NTM: variants seen among roughly 807,000 people sequenced by gnomAD.
NTM encodes neurotrimin.
Under a neutral mutation model 42.1 loss-of-function variants are expected in NTM, and 13 were observed. The observed-to-expected ratio is 0.31, with a 90% CI of 0.20 to 0.49. The LOEUF is 0.49. Among genes scored for constraint, NTM ranks in the 20% least tolerant of loss-of-function variants. The probability of loss-of-function intolerance (pLI) is 0.99; values close to 1 mark genes in which losing one functional copy is unlikely to be tolerated. For missense variants in NTM, 373 were observed against 452.8 expected (o/e 0.82, Z 1.60); for synonymous variants, 187 against 179.2 (o/e 1.04, Z -0.35).
In NTM at chr11:132,330,191, T is replaced by C; in HGVS notation, c.967+6T>C. ...AGCCCTGACCCCTTGGAAAGGTTTG[T>C]ATATTTTTCAGACAGCTGCTGCCTT... On this transcript the variant is annotated splice_donor_region_variant and intron_variant, in intron 8 of 8. Coordinates refer to ENST00000683400, the MANE Select transcript of NTM (RefSeq NM_001352005.2). 3 of 1,551,702 alleles carry C rather than the reference T, an allele frequency of 1.9e-6. No individual in the cohort carries two copies. The highest frequency in any genetic ancestry group is 2.6e-6 in the Non-Finnish European group (3 of 1,146,924).
intron 1 of NTM, among the ~76,000 whole-genome samples, chr11:131,513,597 A>G (rs1248647994): frequency 6.6e-6 from 1 of 152,240 alleles, no homozygotes; most frequent in East Asian, 1.9e-4. Context: ...CAGGGAAGAC[A>G]GAATGAAAAG....
chr11:131,872,855 T>C (rs940646573), intron 1 of NTM, among the ~76,000 whole-genome samples: 1 of 152,202 alleles, frequency 6.6e-6, no homozygotes, highest in Non-Finnish European at 1.5e-5. Context: ...TTTATGCATA[T>C]ACCCAGTAAT....
rs945720708 is a variant in NTM at position 131,877,478 on chromosome 11, G to A, written c.83-34086G>A. The stretch of plus-strand genomic sequence containing the variant: ...TGACAATGAATGCACTCACAGAGCC[G>A]CAGAAACCCAGCAATTCATTCTTCC... On this transcript the variant is annotated intron_variant, in intron 1 of 8. Coordinates refer to ENST00000683400, the MANE Select transcript of NTM (RefSeq NM_001352005.2). 3.3e-5 allele frequency among the ~76,000 whole-genome samples: 5 copies of A among 152,078 alleles called. No individual in the cohort carries two copies. In the South Asian group the frequency reaches 6.2e-4, roughly 19 times the overall value.
At chr11:132,103,662 A>G (rs2061907772) in intron 2 of NTM, among the ~76,000 whole-genome samples, 1 of 152,184 alleles carries the variant, frequency 6.6e-6, no homozygotes, top group African/African-American at 2.4e-5. Flanking sequence ...CTGCATGTAG[A>G]TACTTAACCC....
chr11:131,779,650 G>A (rs2087696912), intron 1 of NTM, among the ~76,000 whole-genome samples: 1 of 152,128 alleles, frequency 6.6e-6, no homozygotes, highest in African/African-American at 2.4e-5. Context: ...GAGGAAGTCA[G>A]TCAGTCTACC....
rs2048909716 is a variant in NTM at position 131,878,591 on chromosome 11, AAAAATATATATATATATAT to A, written c.83-32971_83-32953del. On this transcript the variant is annotated intron_variant, in intron 1 of 8. Transcript: ENST00000683400. ...TCTCAAAAAAAAAAAAAAAAAAAAA[AAAAATATATATATATATAT>A]ATATATATATATATATATATATATA... Among the ~76,000 whole-genome samples the A allele has an allele frequency of 3.0e-4, 9 of 29,698 alleles. 1 individual carries two copies. The highest frequency in any genetic ancestry group is 3.9e-4 in the Admixed American group (1 of 2,546). 19.5% of individuals were successfully genotyped at this position (29,698 alleles called of 152,430 possible). A position where few individuals can be genotyped will look rare whatever the true frequency, so the allele number is the denominator to read the frequency against.
intron 1 of NTM, among the ~76,000 whole-genome samples, chr11:131,584,370 G>T (rs993038528): frequency 2.0e-5 from 3 of 152,136 alleles, no homozygotes; most frequent in African/African-American, 7.2e-5. Flanking sequence ...AATTTACGAA[G>T]ATTAATTAGA....
At chr11:131,967,504 A>G (rs746833114) in intron 2 of NTM, among the ~76,000 whole-genome samples, 11 of 152,154 alleles carry the variant, frequency 7.2e-5, no homozygotes, top group Non-Finnish European at 1.3e-4. Flanking sequence ...AGGCTGGTGC[A>G]CCGAGCCACA....
At chr11:132,239,825 CAATT>C (rs1175687054) in intron 4 of NTM, among the ~76,000 whole-genome samples, 1 of 152,196 alleles carries the variant, frequency 6.6e-6, no homozygotes, top group Non-Finnish European at 1.5e-5. Context: ...AATTTTATCA[CAATT>C]AAAGGAAAAG....
At chr11:132,228,236 G>A (rs181309323) in intron 4 of NTM, among the ~76,000 whole-genome samples, 7 of 152,246 alleles carry the variant, frequency 4.6e-5, no homozygotes, top group Admixed American at 2.6e-4. Flanking sequence ...TCTGCTCTAC[G>A]TAGGTCCATG....
At chr11:131,997,040 G>A (rs1342606631) in intron 2 of NTM, among the ~76,000 whole-genome samples, 3 of 152,296 alleles carry the variant, frequency 2.0e-5, no homozygotes, top group Admixed American at 1.3e-4. Context: ...GCTTCACCAT[G>A]GCCTCTCCTG....
At position 131,595,643 on chromosome 11, in the gene NTM, C is replaced by T. The variant is rs146647682; in HGVS notation, c.82+224755C>T. ...TGAAAGAAAGGAAGCTTGTATTTGC[C>T]GGAACGGACTCTTCACAAACCTCTG... On this transcript the variant is annotated intron_variant, in intron 1 of 8. Transcript: ENST00000683400. 2.1e-3 allele frequency among the ~76,000 whole-genome samples: 327 copies of T among 152,252 alleles called. 1 individual carries two copies. Among genetic ancestry groups the T allele is most frequent in the Admixed American group, 5.3e-3 (81 of 15,290 alleles).
chr11:131,419,219 TA>T (rs1317125265), intron 1 of NTM, among the ~76,000 whole-genome samples: 1 of 152,194 alleles, frequency 6.6e-6, no homozygotes, highest in Non-Finnish European at 1.5e-5. Context: ...GCCATTATTT[TA>T]TAGTCTAGTA....
intron 1 of NTM, among the ~76,000 whole-genome samples, chr11:131,805,917 A>G (rs1320508522): frequency 6.6e-6 from 1 of 152,198 alleles, no homozygotes; most frequent in Admixed American, 6.5e-5. Flanking sequence ...ATTAAACATG[A>G]TGTTTATGGT....
chr11:131,862,760 C>T (rs1239829202), intron 1 of NTM, among the ~76,000 whole-genome samples: 3 of 152,146 alleles, frequency 2.0e-5, no homozygotes, highest in Non-Finnish European at 2.9e-5. Flanking sequence ...CTCCAAACCT[C>T]GAAATATGAG....
Position 131,424,586 on chromosome 11 carries a change from A to ATTTCTTTTCT in NTM, c.82+53707_82+53716dup, listed in dbSNP as rs1180335292. Reference sequence around the variant, plus strand: ...GTTTGCAATTGCTTAGTTGTTTTTTATTTCTTTTCTTTTCTTTTTTTTTTT... The same window carrying ATTTCTTTTCT: ...GTTTGCAATTGCTTAGTTGTTTTTTATTTCTTTTCTTTTCTTTTCTTTTCTTTTTTTTTTT... On this transcript the variant is annotated intron_variant, in intron 1 of 8. Transcript: ENST00000683400. 2.5e-4 allele frequency among the ~76,000 whole-genome samples: 22 copies of ATTTCTTTTCT among 86,560 alleles called. 2 individuals are homozygous for ATTTCTTTTCT. The highest frequency in any genetic ancestry group is 9.8e-4 in the African/African-American group (21 of 21,336). The allele number at this position is 86,560 out of a possible 152,430, so 56.8% of individuals were successfully genotyped here. A position where few individuals can be genotyped will look rare whatever the true frequency, so the allele number is the denominator to read the frequency against.
chr11:131,988,503 G>A lies in NTM; in HGVS notation c.167+76855G>A, dbSNP rs555368316. 3.2e-4 allele frequency among the ~76,000 whole-genome samples: 49 copies of A among 152,064 alleles called. 1 individual carries two copies. In the South Asian group the frequency reaches 9.1e-3, roughly 28 times the overall value. ...AAGTTACAATGGAGCTATCCTTTGT[G>A]GCCTGGTGACATAGTGACTGGCAGT... On this transcript the variant is annotated intron_variant, in intron 2 of 8. Coordinates refer to ENST00000683400, the MANE Select transcript of NTM (RefSeq NM_001352005.2).
At chr11:131,503,376 T>C (rs1055897639) in intron 1 of NTM, among the ~76,000 whole-genome samples, 3 of 152,022 alleles carry the variant, frequency 2.0e-5, no homozygotes, top group African/African-American at 7.2e-5. Flanking sequence ...TTCCATCTGA[T>C]TGTTTCTGGC....
At chr11:131,579,815 G>T (rs1288444191) in intron 1 of NTM, among the ~76,000 whole-genome samples, 1 of 152,128 alleles carries the variant, frequency 6.6e-6, no homozygotes, top group Non-Finnish European at 1.5e-5. Flanking sequence ...TGCTTGAATG[G>T]GTTAGATGGA....
Sources: allele counts gnomAD v4.1 joint callset (sites outside exome capture counted in the v4.1 genomes callset), GRCh38; gene constraint gnomAD v4.1.1; transcripts MANE v1.5; gene names NCBI Gene and HGNC (gene_info 2026-07-23, HGNC 2026-07-21).